KIFC1: variants seen among roughly 807,000 people sequenced by gnomAD.
KIFC1 encodes kinesin family member C1, also known as kinesin-like protein KIFC1.
In KIFC1, 37 loss-of-function variants were observed where a neutral mutation model predicts 66.6. The ratio of observed to expected loss-of-function variants is 0.56; its 90% CI spans 0.43 to 0.73. The LOEUF (loss-of-function observed/expected upper bound fraction) is 0.73. Among genes scored for constraint, KIFC1 ranks in the 30% least tolerant of loss-of-function variants. The probability of loss-of-function intolerance (pLI) is 0.00; values close to 1 mark genes in which losing one functional copy is unlikely to be tolerated. For missense variants in KIFC1, 721 were observed against 859.8 expected (o/e 0.84, Z 2.02); for synonymous variants, 325 against 343.5 (o/e 0.95, Z 0.60).
At chr6:33,397,351 G>A (rs1775108869) in intron 1 of KIFC1, among the ~76,000 whole-genome samples, 1 of 142,274 alleles carries the variant, frequency 7.0e-6, no homozygotes. Flanking sequence ...AGGTTGGAGT[G>A]CAGTGGCGTG....
At chr6:33,397,980 G>A in intron 1 of KIFC1, 49 bp from the exon 2 acceptor site, 1 of 1,601,214 alleles carries the variant, frequency 6.2e-7, no homozygotes, top group Non-Finnish European at 8.5e-7. Flanking sequence ...GAAGTTCTTG[G>A]GACATTTGGG....
At chr6:33,408,991 A>T (rs530839734) in intron 10 of KIFC1, among the ~76,000 whole-genome samples, 1 of 152,064 alleles carries the variant, frequency 6.6e-6, no homozygotes, top group Admixed American at 6.5e-5. Context: ...ACACGGTGAA[A>T]CCCCGTCTCT....
chr6:33,400,439 T>C lies in KIFC1; in HGVS notation c.250+2052T>C. ...TTGGCAATGTCATCACCAACCTTTT[T>C]TGGAGACAGACCCAGGGGGCCGATC... On this transcript the variant is annotated intron_variant, in intron 3 of 10. Coordinates refer to ENST00000428849, the MANE Select transcript of KIFC1 (RefSeq NM_002263.4). The surrounding 1 kb of genome is among the most constrained non-coding windows in gnomAD (Gnocchi z 4.3). 1.2e-6 allele frequency: 2 copies of C among 1,603,864 alleles called. No homozygotes were observed.
Position 33,400,888 on chromosome 6 carries a change from G to A in KIFC1, c.251-2426G>A, listed in dbSNP as rs941171922. 1.3e-5 allele frequency among the ~76,000 whole-genome samples: 2 copies of A among 152,146 alleles called. No individual in the cohort carries two copies. Among genetic ancestry groups the A allele is most frequent in the Non-Finnish European group, 2.9e-5 (2 of 68,028 alleles). The stretch of plus-strand genomic sequence containing the variant: ...AGGATGGTCTCGATCTCCTGACCTC[G>A]TGATCTGCCTGCCTCAGCTTCCCAA... On this transcript the variant is annotated intron_variant, in intron 3 of 10. Transcript: ENST00000428849. This position sits in a 1 kb window ranked among gnomAD's most constrained non-coding sequence, Gnocchi z 4.3.
chr6:33,395,828 A>G (rs1775004354), intron 1 of KIFC1, among the ~76,000 whole-genome samples: 1 of 152,244 alleles, frequency 6.6e-6, no homozygotes, highest in South Asian at 2.1e-4. Flanking sequence ...ATTACACTAA[A>G]TTAAAATAAG....
At chr6:33,398,426 G>A in intron 3 of KIFC1, 39 bp downstream of exon 3, 1 of 1,362,184 alleles carries the variant, frequency 7.3e-7, no homozygotes, top group East Asian at 2.3e-5. Context: ...GGACATGGAA[G>A]TCCAGTGCTC....
Position 33,406,419 on chromosome 6 carries a change from G to A in KIFC1, c.1760G>A (p.Arg587Gln), listed in dbSNP as rs373354333. Residue 587 changes from arginine to glutamine, a missense_variant, in exon 8 of 11, where the codon CGG (arginine) becomes CAG (glutamine). Transcript: ENST00000428849. The surrounding 1 kb of genome is among the most constrained non-coding windows in gnomAD (Gnocchi z 4.5). ...GGCCCCGGGGAGCGGGAACGCCTTC[G>A]GGAAACACAGGCCATTAACAGCAGC... is the stretch of plus-strand genomic sequence containing the variant. ...ALGPGERERL[R>Q]ETQAINSSLS... The A allele has an allele frequency of 3.7e-6, 6 of 1,606,664 alleles. No individual in the cohort carries two copies. In the African/African-American group the frequency reaches 5.3e-5, roughly 14 times the overall value.
intron 1 of KIFC1, among the ~76,000 whole-genome samples, chr6:33,392,458 T>C (rs947848811): frequency 6.6e-6 from 1 of 152,174 alleles, no homozygotes; most frequent in Non-Finnish European, 1.5e-5. Flanking sequence ...CTTCGGAGTG[T>C]AGGAAAGGGA....
Position 33,409,677 on chromosome 6 carries a change from C to G in KIFC1, c.2009C>G (p.Ala670Gly). 6.2e-7 allele frequency: 1 copy of G among 1,607,360 alleles called. No individual in the cohort carries two copies. Among genetic ancestry groups the G allele is most frequent in the Non-Finnish European group, 8.5e-7 (1 of 1,178,218 alleles). The change falls in exon 11 of 11, where the codon GCC becomes GGC. Residue 670 changes from alanine to glycine, a missense_variant. Ala to Gly is a moderately conservative substitution (Grantham distance 60). Transcript: ENST00000428849. ...CAGTGTGTTATTGGTACTGCTCAGG[C>G]CAACAGGAAGTGAAGACGGATCCAG... ...VNQCVIGTAQANRK is the reference protein window; with the variant it reads ...VNQCVIGTAQGNRK
upstream of KIFC1, chr6:33,391,801 G>A: frequency 1.4e-6 from 1 of 715,118 alleles, no homozygotes; most frequent in Non-Finnish European, 2.5e-6. Context: ...GCAGAGCGCG[G>A]TGAGAGTGGG....
Position 33,405,354 on chromosome 6 carries a change from T to C in KIFC1, c.1259T>C (p.Met420Thr). 6.2e-7 allele frequency: 1 copy of C among 1,612,848 alleles called. No homozygotes were observed. The highest frequency in any genetic ancestry group is 8.5e-7 in the Non-Finnish European group (1 of 1,179,168). The change falls in exon 7 of 11, where the codon ATG (methionine) becomes ACG (threonine). Residue 420 changes from methionine to threonine, a missense_variant. Physicochemically the swap from Met to Thr is moderately conservative, Grantham distance 81. Coordinates refer to ENST00000428849, the MANE Select transcript of KIFC1 (RefSeq NM_002263.4). The surrounding 1 kb of genome is among the most constrained non-coding windows in gnomAD (Gnocchi z 5.4). ...GQTGSGKTFT[M>T]EGGPGGDPQL... Reference sequence around the variant, plus strand: ...ACAGGCAGTGGCAAGACCTTCACAATGGAGGGTGGGCCTGGGGGAGACCCC... The same window carrying C: ...ACAGGCAGTGGCAAGACCTTCACAACGGAGGGTGGGCCTGGGGGAGACCCC...
At chr6:33,396,476 C>T (rs1282241791) in intron 1 of KIFC1, among the ~76,000 whole-genome samples, 17 of 122,890 alleles carry the variant, frequency 1.4e-4, no homozygotes, top group South Asian at 4.9e-4. Context: ...CTCAATATGT[C>T]GCCCAGGCTG....
chr6:33,406,246 A>G lies in KIFC1; in HGVS notation c.1587A>G (p.Thr529=), dbSNP rs1248437280. The G allele has an allele frequency of 1.2e-6, 2 of 1,613,818 alleles. No homozygotes were observed. The highest frequency in any genetic ancestry group is 3.3e-5 in the Admixed American group (2 of 60,014). Residue 529 remains threonine (T), a synonymous_variant, in exon 8 of 11, where the codon ACA becomes ACG. Transcript: ENST00000428849. The surrounding 1 kb of genome is among the most constrained non-coding windows in gnomAD (Gnocchi z 4.5). ...LARQNRAVAR[T]AQNERSSRSH... ...GCCAGAATCGGGCTGTGGCCCGCACAGCCCAGAATGAACGGTCATCACGCA... is the reference window on the plus strand; with the variant it reads ...GCCAGAATCGGGCTGTGGCCCGCACGGCCCAGAATGAACGGTCATCACGCA...
In KIFC1 at chr6:33,406,066, G is replaced by A. The variant is rs1048724715; in HGVS notation, c.1537-130G>A. 1.2e-5 allele frequency: 10 copies of A among 815,002 alleles called. No homozygotes were observed. Among genetic ancestry groups the A allele is most frequent in the Non-Finnish European group, 1.9e-5 (10 of 518,224 alleles). 50.5% of individuals were successfully genotyped at this position (815,002 alleles called of 1,614,324 possible). A position where few individuals can be genotyped will look rare whatever the true frequency, so the allele number is the denominator to read the frequency against. On this transcript the variant is annotated intron_variant, in intron 7 of 10. Transcript: ENST00000428849. This position sits in a 1 kb window ranked among gnomAD's most constrained non-coding sequence, Gnocchi z 4.5. ...TCCTTACCATTTTCAGACATACTGT[G>A]CATCTTATTTTGTTTCTTGACAGGC...
chr6:33,409,553 G>C lies in KIFC1; in HGVS notation c.1978-93G>C, dbSNP rs573121142. 7.9e-6 allele frequency: 10 copies of C among 1,265,568 alleles called. No individual in the cohort carries two copies. The South Asian group carries it at 1.1e-4, about 14-fold the overall frequency. 78.4% of individuals were successfully genotyped at this position (1,265,568 alleles called of 1,614,324 possible). On this transcript the variant is annotated intron_variant, in intron 10 of 10. Transcript: ENST00000428849. ...GAGGCCTTATTTCGGTATTTCTGAG[G>C]GCAGCCCTAGCATTGGAGGATGGGA... is the stretch of plus-strand genomic sequence containing the variant.
In KIFC1 at chr6:33,403,228, C is replaced by T; in HGVS notation, c.251-86C>T. The T allele has an allele frequency of 1.6e-6, 2 of 1,227,922 alleles. No homozygotes were observed. Among genetic ancestry groups the T allele is most frequent in the Non-Finnish European group, 1.2e-6 (1 of 834,020 alleles). The allele number at this position is 1,227,922 out of a possible 1,614,324, so 76.1% of individuals were successfully genotyped here. A position where few individuals can be genotyped will look rare whatever the true frequency, so the allele number is the denominator to read the frequency against. On this transcript the variant is annotated intron_variant, in intron 3 of 10. Transcript: ENST00000428849. This position sits in a 1 kb window ranked among gnomAD's most constrained non-coding sequence, Gnocchi z 4.6. ...ATCCTATTTCTAATTCTGAGAAAAGCACTTCTTCTGCCCCTGTCCTAGCAA... is the reference window on the plus strand; with the variant it reads ...ATCCTATTTCTAATTCTGAGAAAAGTACTTCTTCTGCCCCTGTCCTAGCAA...
At position 33,403,679 on chromosome 6, in the gene KIFC1, A is replaced by G; in HGVS notation, c.356-50A>G. 6.3e-7 allele frequency: 1 copy of G among 1,597,920 alleles called. No homozygotes were observed. The highest frequency in any genetic ancestry group is 8.6e-7 in the Non-Finnish European group (1 of 1,168,478). On this transcript the variant is annotated intron_variant, in intron 5 of 10. Coordinates refer to ENST00000428849, the MANE Select transcript of KIFC1 (RefSeq NM_002263.4). This position sits in a 1 kb window ranked among gnomAD's most constrained non-coding sequence, Gnocchi z 4.6. ...CCATAAAGGCTAGAAGGGAGGAGGG[A>G]TAGAGAGCCTAGACTTCACTGACCT...
In KIFC1 at chr6:33,404,228, C is replaced by G; in HGVS notation, c.756+99C>G. On this transcript the variant is annotated intron_variant, in intron 6 of 10. Coordinates refer to ENST00000428849, the MANE Select transcript of KIFC1 (RefSeq NM_002263.4). The surrounding 1 kb of genome is among the most constrained non-coding windows in gnomAD (Gnocchi z 4.0). ...ACCCCTCAAGTCTGGGCTGAGAACTCCTGAGCACCTATCTTTAGCAGTATA... is the reference window on the plus strand; with the variant it reads ...ACCCCTCAAGTCTGGGCTGAGAACTGCTGAGCACCTATCTTTAGCAGTATA... The G allele has an allele frequency of 8.6e-7, 1 of 1,160,710 alleles. No homozygotes were observed. Among genetic ancestry groups the G allele is most frequent in the Non-Finnish European group, 1.2e-6 (1 of 821,528 alleles). 71.9% of individuals were successfully genotyped at this position (1,160,710 alleles called of 1,614,324 possible).
intron 3 of KIFC1, among the ~76,000 whole-genome samples, chr6:33,402,920 G>A (rs1470067714): frequency 6.6e-6 from 1 of 152,216 alleles, no homozygotes. Context: ...CCTGGAGGTA[G>A]AGTTTGCTGT....
Sources: gnomAD v4.1 joint callset for allele counts (sites outside exome capture counted in the v4.1 genomes callset) on GRCh38, gnomAD v4.1.1 for gene constraint, Gnocchi (gnomAD v3.1) non-coding constraint, MANE v1.5 for transcripts, NCBI Gene and HGNC (gene_info 2026-07-23, HGNC 2026-07-21) for gene names.